Variants in OBI1 observed in about 807,000 individuals in gnomAD.
OBI1 encodes the protein ORC ubiquitin ligase 1, also known as ring finger protein 219.
OBI1 carries 59 observed loss-of-function variants against 62.4 expected under a neutral mutation model. That is an observed-to-expected ratio of 0.95 (90% CI 0.77 to 1.17). OBI1 has a LOEUF of 1.17. Among genes scored for constraint, OBI1 ranks in the 50% most tolerant of loss-of-function variants. OBI1 has a pLI of 0.00. For missense variants in OBI1, 875 were observed against 830.9 expected (o/e 1.05, Z -0.65); for synonymous variants, 302 against 292.8 (o/e 1.03, Z -0.32).
intron 2 of OBI1, 34 bp from the exon 3 acceptor site, chr13:78,642,247 A>C (rs1206362076): frequency 7.8e-7 from 1 of 1,283,916 alleles, no homozygotes; most frequent in East Asian, 2.3e-5. Context: ...CTAATTTTTC[A>C]TTCTGATTCG....
chr13:78,616,102 G>T lies in OBI1; in HGVS notation c.1659C>A (p.Ser553Arg). 2 of 1,614,066 alleles carry T rather than the reference G, an allele frequency of 1.2e-6. No homozygotes were observed. The highest frequency in any genetic ancestry group is 1.7e-6 in the Non-Finnish European group (2 of 1,180,010). The change falls in exon 6 of 6, where the codon AGC becomes AGA. Residue 553 changes from serine (S) to arginine (R), a missense_variant. By Grantham distance (110) the Ser-to-Arg change is moderately radical. Transcript: ENST00000282003. ...GTGACTTAAAACCGTTATTACAAGG[G>T]CTCTTGCTGTTGTCTGACTCTGACA... is the stretch of plus-strand genomic sequence containing the variant. The part of the protein sequence containing the change: ...SMMSESDNSK[S>R]PCNNGFKSLD...
intron 1 of OBI1, among the ~76,000 whole-genome samples, chr13:78,650,761 TAA>T (rs906481523): frequency 6.8e-6 from 1 of 146,784 alleles, no homozygotes; most frequent in African/African-American, 2.5e-5. Context: ...AAAAAAAAGG[TAA>T]TATTACTATA....
chr13:78,644,840 C>T, intron 2 of OBI1, 22 bp downstream of exon 2: 1 of 1,608,812 alleles, frequency 6.2e-7, no homozygotes. Context: ...TATTCCTATG[C>T]ATATATAAAA....
chr13:78,658,002 G>A (rs1268864762), intron 1 of OBI1, among the ~76,000 whole-genome samples: 2 of 152,208 alleles, frequency 1.3e-5, no homozygotes, highest in Non-Finnish European at 2.9e-5. Context: ...CTGCTATCCA[G>A]AATTATCAGT....
chr13:78,624,109 T>G (rs558096103), intron 5 of OBI1, among the ~76,000 whole-genome samples: 7 of 152,348 alleles, frequency 4.6e-5, no homozygotes, highest in Non-Finnish European at 8.8e-5. Flanking sequence ...GTTTTTTATA[T>G]GAAATGAGAA....
Position 78,644,906 on chromosome 13 carries a change from C to A in OBI1, c.164G>T (p.Cys55Phe). 1 of 1,614,032 alleles carries A rather than the reference C, an allele frequency of 6.2e-7. No individual in the cohort carries two copies. Among genetic ancestry groups the A allele is most frequent in the Middle Eastern group, 1.6e-4 (1 of 6,062 alleles). Reference protein sequence around the residue: ...WLKNNSQCPACRVPITPENPC... With the variant: ...WLKNNSQCPAFRVPITPENPC... ...ATTTTCAGGAGTGATGGGGACTCTG[C>A]AAGCTGGACACTGGCTATTATTCTT... Residue 55 changes from cysteine to phenylalanine, a missense_variant, in exon 2 of 6, where the codon TGC becomes TTC. By Grantham distance (205) the Cys-to-Phe change is radical. Coordinates refer to ENST00000282003, the MANE Select transcript of OBI1 (RefSeq NM_024546.4).
chr13:78,650,144 G>A (rs1224233191), intron 1 of OBI1, among the ~76,000 whole-genome samples: 8 of 152,210 alleles, frequency 5.3e-5, no homozygotes, highest in Admixed American at 3.9e-4. Flanking sequence ...GGAGACTCAG[G>A]AAGGAAGTAG....
intron 5 of OBI1, among the ~76,000 whole-genome samples, chr13:78,620,157 T>G (rs1268752586): frequency 1.3e-5 from 2 of 152,210 alleles, no homozygotes; most frequent in Non-Finnish European, 2.9e-5. Flanking sequence ...CCAAGATAAC[T>G]ATATTAAATT....
rs1875229411 is a variant in OBI1, at chr13:78,615,427, T to C, written c.*153A>G. 1 of 504,784 alleles carries C rather than the reference T, an allele frequency of 2.0e-6. No homozygotes were observed. The highest frequency in any genetic ancestry group is 1.9e-5 in the African/African-American group (1 of 51,362). 31.3% of individuals were successfully genotyped at this position (504,784 alleles called of 1,614,324 possible). A position where few individuals can be genotyped will look rare whatever the true frequency, so the allele number is the denominator to read the frequency against. On this transcript the variant is annotated 3_prime_UTR_variant, in exon 6 of 6. Transcript: ENST00000282003. Reference sequence around the variant, plus strand: ...TCTTTTCAAAATGAACAATAAGTATTCTGGGTACAGGTTAATCCACCATCC... The same window carrying C: ...TCTTTTCAAAATGAACAATAAGTATCCTGGGTACAGGTTAATCCACCATCC...
intron 5 of OBI1, chr13:78,617,474 T>G (rs557618570): frequency 5.2e-6 from 1 of 190,736 alleles, no homozygotes; most frequent in South Asian, 1.6e-4. Flanking sequence ...TGGCAAAGAT[T>G]TATGATAACA....
chr13:78,642,656 G>A (rs556860071), intron 2 of OBI1, among the ~76,000 whole-genome samples: 60 of 152,276 alleles, frequency 3.9e-4, no homozygotes, highest in African/African-American at 1.1e-3. Flanking sequence ...AGGCCGAGGC[G>A]GGCGGATCAC....
chr13:78,617,193 C>T, intron 5 of OBI1, 71 bp from the exon 6 acceptor site: 1 of 1,187,272 alleles, frequency 8.4e-7, no homozygotes, highest in Non-Finnish European at 1.2e-6. Flanking sequence ...AGAGTGCAAA[C>T]TGTCCCAGGC....
chr13:78,650,182 G>T (rs985703050), intron 1 of OBI1, among the ~76,000 whole-genome samples: 1 of 152,146 alleles, frequency 6.6e-6, no homozygotes, highest in Non-Finnish European at 1.5e-5. Flanking sequence ...CCCAGAGTTG[G>T]GGTTTTGCCA....
In OBI1 at chr13:78,614,960, A is replaced by G. The variant is rs923768984; in HGVS notation, c.*620T>C. ...GACAAAACACAATGCTAAAAAATGCAAACATATACATAAAACCTAAAAAAA... is the reference window on the plus strand; with the variant it reads ...GACAAAACACAATGCTAAAAAATGCGAACATATACATAAAACCTAAAAAAA... On this transcript the variant is annotated 3_prime_UTR_variant, in exon 6 of 6. Transcript: ENST00000282003. The G allele has an allele frequency of 6.6e-6, 1 of 152,260 alleles. No individual in the cohort carries two copies. Among genetic ancestry groups the G allele is most frequent in the African/African-American group, 2.4e-5 (1 of 41,474 alleles). 9.4% of individuals were successfully genotyped at this position (152,260 alleles called of 1,614,324 possible). A position where few individuals can be genotyped will look rare whatever the true frequency, so the allele number is the denominator to read the frequency against.
At chr13:78,644,814 G>A (rs1388831734) in intron 2 of OBI1, 48 bp downstream of exon 2, 1 of 1,573,994 alleles carries the variant, frequency 6.4e-7, no homozygotes, top group African/African-American at 1.4e-5. Context: ...AAATTATTTG[G>A]AGATTGTTTC....
intron 5 of OBI1, among the ~76,000 whole-genome samples, chr13:78,627,938 G>T (rs1176874897): frequency 1.3e-5 from 2 of 152,030 alleles, no homozygotes; most frequent in Non-Finnish European, 1.5e-5. Context: ...TATTTATCAG[G>T]TATCTTCAGA....
intron 1 of OBI1, among the ~76,000 whole-genome samples, chr13:78,657,868 T>G (rs1876757879): frequency 6.6e-6 from 1 of 152,134 alleles, no homozygotes; most frequent in Non-Finnish European, 1.5e-5. Context: ...CAGTAAGTAA[T>G]AGCTCAATGC....
chr13:78,655,851 G>A (rs1334879401), intron 1 of OBI1, among the ~76,000 whole-genome samples: 1 of 152,206 alleles, frequency 6.6e-6, no homozygotes, highest in Non-Finnish European at 1.5e-5. Context: ...CAGGGAAGCA[G>A]AAGCGAACCT....
At chr13:78,653,725 T>A (rs1876613825) in intron 1 of OBI1, among the ~76,000 whole-genome samples, 1 of 152,162 alleles carries the variant, frequency 6.6e-6, no homozygotes, top group African/African-American at 2.4e-5. Flanking sequence ...ATTATATCTA[T>A]TATAAAACCA....
Sources: allele counts gnomAD v4.1 joint callset (sites outside exome capture counted in the v4.1 genomes callset), GRCh38; gene constraint gnomAD v4.1.1; transcripts MANE v1.5; gene names NCBI Gene and HGNC (gene_info 2026-07-23, HGNC 2026-07-21).